Variants in GFRA1 observed in about 807,000 individuals in gnomAD.
GFRA1 encodes GDNF family receptor alpha 1.
A neutral mutation model predicts 51.6 loss-of-function variants in GFRA1; 16 were observed. That is an observed-to-expected ratio of 0.31 (90% CI 0.21 to 0.47). GFRA1 has a LOEUF of 0.47. Ranked by LOEUF, GFRA1 falls within the 20% of genes least tolerant of loss-of-function variation. The pLI, the probability that GFRA1 is intolerant of heterozygous loss-of-function variation, is 1.00. For missense variants in GFRA1, 530 were observed against 594.3 expected (o/e 0.89, Z 1.13); for synonymous variants, 270 against 241.3 (o/e 1.12, Z -1.10).
At chr10:116,103,617 A>G (rs1007855414) in intron 6 of GFRA1, among the ~76,000 whole-genome samples, 4 of 152,212 alleles carry the variant, frequency 2.6e-5, no homozygotes, top group African/African-American at 9.7e-5. Flanking sequence ...TAAAAGGACT[A>G]AATATCAGTA....
chr10:116,116,763 T>A (rs1187861136), intron 6 of GFRA1, among the ~76,000 whole-genome samples: 2 of 152,188 alleles, frequency 1.3e-5, no homozygotes, highest in African/African-American at 4.8e-5. Context: ...CAAAAGGAAA[T>A]TTGATAAAGA....
chr10:116,205,945 C>CACAA (rs1247371946), intron 5 of GFRA1, among the ~76,000 whole-genome samples: 1 of 151,492 alleles, frequency 6.6e-6, no homozygotes, highest in African/African-American at 2.4e-5. Flanking sequence ...CACACACACA[C>CACAA]ACACACACAC....
rs1954712002 is a variant in GFRA1 at position 116,059,730 on chromosome 10, A to T, written c.*4668T>A. 1 of 152,236 alleles carries T rather than the reference A, an allele frequency of 6.6e-6. No individual in the cohort carries two copies. Among genetic ancestry groups the T allele is most frequent in the Non-Finnish European group, 1.5e-5 (1 of 68,054 alleles). 9.4% of individuals were successfully genotyped at this position (152,236 alleles called of 1,614,324 possible). On this transcript the variant is annotated 3_prime_UTR_variant, in exon 11 of 11. Transcript: ENST00000355422. ...GGGAGGGAGGAGAAGCTCATCAGAG[A>T]CACTGGGAGCAACAAAGGGATTCCT... is the stretch of plus-strand genomic sequence containing the variant.
intron 4 of GFRA1, among the ~76,000 whole-genome samples, chr10:116,243,525 G>A (rs1589904341): frequency 7.6e-6 from 1 of 131,778 alleles, no homozygotes; most frequent in Non-Finnish European, 1.6e-5. Flanking sequence ...AAAAAAGAGA[G>A]AATAGTAAAT....
intron 5 of GFRA1, among the ~76,000 whole-genome samples, chr10:116,129,884 T>G (rs1958034138): frequency 6.6e-6 from 1 of 151,908 alleles, no homozygotes; most frequent in African/African-American, 2.4e-5. Context: ...CAAGCTTCAT[T>G]TTTAAGAGTT....
chr10:116,068,163 C>G (rs981044426), intron 9 of GFRA1, among the ~76,000 whole-genome samples: 1 of 152,200 alleles, frequency 6.6e-6, no homozygotes, highest in East Asian at 1.9e-4. Flanking sequence ...CGTTAAACAT[C>G]TTCCCAACCC....
intron 6 of GFRA1, among the ~76,000 whole-genome samples, chr10:116,123,858 C>T (rs555200471): frequency 6.6e-6 from 1 of 152,144 alleles, no homozygotes; most frequent in African/African-American, 2.4e-5. Context: ...TGAAGGGTAA[C>T]TTTATCTTTT....
At chr10:116,170,192 T>C (rs10749194) in intron 5 of GFRA1, among the ~76,000 whole-genome samples, 90,991 of 152,016 alleles carry the variant, frequency 0.6, 27,223 homozygotes, top group Middle Eastern at 0.64. Context: ...CTCACCACCA[T>C]GGTTATCTGC....
chr10:116,242,031 C>G (rs1967424249), intron 4 of GFRA1, among the ~76,000 whole-genome samples: 1 of 152,174 alleles, frequency 6.6e-6, no homozygotes, highest in Non-Finnish European at 1.5e-5. Context: ...AAAACTCAGG[C>G]AGTTACCCAG....
At chr10:116,255,526 T>G in intron 4 of GFRA1, 1 of 1,037,534 alleles carries the variant, frequency 9.6e-7, no homozygotes, top group South Asian at 2.0e-5. Context: ...AAACACTAGG[T>G]TTCCACCATG....
intron 6 of GFRA1, among the ~76,000 whole-genome samples, chr10:116,114,128 G>A (rs1484522919): frequency 6.6e-6 from 1 of 152,154 alleles, no homozygotes; most frequent in Non-Finnish European, 1.5e-5. Flanking sequence ...GCCCTTTGCT[G>A]GATCCCTCAC....
intron 9 of GFRA1, among the ~76,000 whole-genome samples, chr10:116,087,020 G>C (rs373060160): frequency 6.6e-6 from 1 of 152,178 alleles, no homozygotes; most frequent in African/African-American, 2.4e-5. Flanking sequence ...ATTTTACCAT[G>C]TTGGCCAGGC....
chr10:116,114,339 A>ATT lies in GFRA1; in HGVS notation c.770+10880_770+10881dup, dbSNP rs1957328198. On this transcript the variant is annotated intron_variant, in intron 6 of 10. Coordinates refer to ENST00000355422, the MANE Select transcript of GFRA1 (RefSeq NM_005264.8). ...CTTACTGTGTATCTGTGTGCCAATA[A>ATT]TTGTATATTCTTGACAAAAATGTTC... 3.3e-5 allele frequency among the ~76,000 whole-genome samples: 5 copies of ATT among 152,140 alleles called. No homozygotes were observed. The South Asian group carries it at 1.0e-3, about 31-fold the overall frequency.
intron 5 of GFRA1, among the ~76,000 whole-genome samples, chr10:116,142,700 G>A (rs1309905215): frequency 1.3e-5 from 2 of 152,182 alleles, no homozygotes; most frequent in Non-Finnish European, 2.9e-5. Flanking sequence ...TATTTTTAAA[G>A]AGCAAACTAT....
intron 4 of GFRA1, among the ~76,000 whole-genome samples, chr10:116,260,436 T>C (rs1969214629): frequency 6.6e-6 from 1 of 152,232 alleles, no homozygotes; most frequent in Non-Finnish European, 1.5e-5. Context: ...TTTTGAGAGC[T>C]TGTATTTAGA....
At chr10:116,154,543 C>T (rs1335741424) in intron 5 of GFRA1, among the ~76,000 whole-genome samples, 1 of 152,090 alleles carries the variant, frequency 6.6e-6, no homozygotes, top group African/African-American at 2.4e-5. Flanking sequence ...AGAATGGTGG[C>T]TACCTTTGTG....
intron 5 of GFRA1, among the ~76,000 whole-genome samples, 178 bp from the exon 6 acceptor site, chr10:116,125,735 T>A (rs1230104442): frequency 1.3e-5 from 2 of 152,312 alleles, no homozygotes; most frequent in East Asian, 3.9e-4. Flanking sequence ...GGAGTACAAA[T>A]ACCAGGAGTC....
chr10:116,185,615 T>G (rs974631653), intron 5 of GFRA1, among the ~76,000 whole-genome samples: 8 of 152,152 alleles, frequency 5.3e-5, no homozygotes, highest in African/African-American at 1.9e-4. Context: ...GCAGGATACA[T>G]CTCAGGGATT....
intron 4 of GFRA1, among the ~76,000 whole-genome samples, chr10:116,261,717 A>C (rs1969315987): frequency 6.6e-6 from 1 of 152,264 alleles, no homozygotes; most frequent in Admixed American, 6.5e-5. Context: ...AGAAAGAAAA[A>C]TAGTTGCTGA....
Sources: gnomAD v4.1 joint callset for allele counts (sites outside exome capture counted in the v4.1 genomes callset) on GRCh38, gnomAD v4.1.1 for gene constraint, MANE v1.5 for transcripts, NCBI Gene and HGNC (gene_info 2026-07-23, HGNC 2026-07-21) for gene names.